INSL6: variants seen among roughly 807,000 people sequenced by gnomAD.
The protein encoded by INSL6 is insulin-like peptide INSL6.
Under a neutral mutation model 9.4 loss-of-function variants are expected in INSL6, and 16 were observed. The observed-to-expected ratio is 1.70, with a 90% confidence interval of 1.15 to 2.59. INSL6 has a LOEUF of 2.59. INSL6 is among the 30% of genes most tolerant of loss of function. The probability of loss-of-function intolerance (pLI) is 0.00; values close to 1 mark genes in which losing one functional copy is unlikely to be tolerated. For synonymous variants in INSL6, 154 were observed against 96.9 expected, an observed-to-expected ratio of 1.59 and a Z score of -3.46; for missense variants, 391 against 257.3, an observed-to-expected ratio of 1.52 and a Z score of -3.56.
chr9:5,123,244 AG>A, downstream of INSL6: 1 of 592,566 alleles, frequency 1.7e-6, no homozygotes, highest in Non-Finnish European at 3.0e-6. Flanking sequence ...CAGAGCTTTT[AG>A]GGTATCCACC....
the INSL6 span, chr9:5,112,000 C>T: frequency 5.3e-6 from 2 of 379,032 alleles, no homozygotes; most frequent in East Asian, 7.5e-5. Context: ...CTGGGAGGGA[C>T]GTCGCACTAG....
At chr9:5,050,573 T>A in the INSL6 span, 1 of 1,129,222 alleles carries the variant, frequency 8.9e-7, no homozygotes, top group South Asian at 1.6e-5. Context: ...GCCTGGCCAA[T>A]TTGTATCTTG....
chr9:5,175,232 G>A (rs570504923), intron 1 of INSL6, among the ~76,000 whole-genome samples: 14 of 152,190 alleles, frequency 9.2e-5, no homozygotes, highest in African/African-American at 2.4e-4. Flanking sequence ...GAGCCACCGC[G>A]TCTGGCCATG....
chr9:5,090,540 A>G, the INSL6 span: 1 of 1,595,534 alleles, frequency 6.3e-7, no homozygotes, highest in Non-Finnish European at 8.5e-7. Context: ...ATCACATAAA[A>G]CTTCTGCAGT....
the INSL6 span, among the ~76,000 whole-genome samples, chr9:5,057,092 G>A: frequency 6.6e-6 from 1 of 152,038 alleles, no homozygotes; most frequent in South Asian, 2.1e-4. Flanking sequence ...GGGATACATT[G>A]TATTTCTCCT....
the INSL6 span, among the ~76,000 whole-genome samples, chr9:5,046,094 A>G: frequency 1.3e-5 from 2 of 152,112 alleles, no homozygotes; most frequent in Admixed American, 1.3e-4. Flanking sequence ...AGGTGGTATC[A>G]TTGTGATTTT....
chr9:5,004,046 A>T, the INSL6 span, among the ~76,000 whole-genome samples: 5 of 152,304 alleles, frequency 3.3e-5, 1 homozygote, highest in South Asian at 1.0e-3. Flanking sequence ...TATATGGTGT[A>T]CAACATGACA....
the INSL6 span, chr9:5,068,899 C>A: frequency 1.7e-6 from 1 of 588,604 alleles, no homozygotes; most frequent in Non-Finnish European, 2.9e-6. Context: ...ACTGGCACTA[C>A]ATCGGATTCA....
chr9:5,168,770 C>T (rs928025444), intron 1 of INSL6, among the ~76,000 whole-genome samples: 2 of 150,706 alleles, frequency 1.3e-5, no homozygotes, highest in African/African-American at 5.0e-5. Context: ...AGCCCAATGA[C>T]ATATAATCAT....
chr9:5,079,091 G>A, the INSL6 span, among the ~76,000 whole-genome samples: 1 of 152,116 alleles, frequency 6.6e-6, no homozygotes, highest in Non-Finnish European at 1.5e-5. Context: ...TAAGCTAATA[G>A]TACTTAAACT....
chr9:5,045,850 G>C, the INSL6 span, among the ~76,000 whole-genome samples: 1 of 152,072 alleles, frequency 6.6e-6, no homozygotes, highest in Non-Finnish European at 1.5e-5. Flanking sequence ...CTGTGAACAT[G>C]GGTAAACAAA....
chr9:5,094,684 C>G, the INSL6 span: 1 of 152,170 alleles, frequency 6.6e-6, no homozygotes, highest in Non-Finnish European at 1.5e-5. Context: ...GAAAGAGAAT[C>G]AGAACTAGTT....
the INSL6 span, among the ~76,000 whole-genome samples, chr9:5,072,150 T>C: frequency 6.6e-6 from 1 of 152,186 alleles, no homozygotes; most frequent in East Asian, 1.9e-4. Flanking sequence ...CATTCTCTAG[T>C]GTGCTAGTAG....
intron 1 of INSL6, among the ~76,000 whole-genome samples, chr9:5,184,586 T>C (rs944716277): frequency 1.3e-5 from 2 of 152,182 alleles, no homozygotes; most frequent in South Asian, 4.1e-4. Flanking sequence ...TATAATACAG[T>C]ATGGTATATA....
chr9:5,159,466 C>G (rs894766594), downstream of INSL6, among the ~76,000 whole-genome samples: 1 of 151,764 alleles, frequency 6.6e-6, no homozygotes, highest in African/African-American at 2.4e-5. Flanking sequence ...AAAAGATTTT[C>G]CATGCCAATG....
At chr9:5,043,199 T>A in the INSL6 span, among the ~76,000 whole-genome samples, 2 of 152,188 alleles carry the variant, frequency 1.3e-5, no homozygotes, top group Non-Finnish European at 2.9e-5. Flanking sequence ...CGGGTCAGCT[T>A]GAGGCAGTGC....
chr9:5,025,872 C>A, the INSL6 span, among the ~76,000 whole-genome samples: 1 of 152,282 alleles, frequency 6.6e-6, no homozygotes, highest in Non-Finnish European at 1.5e-5. Flanking sequence ...ATTAATGAAT[C>A]TTTTTAAAGT....
intron 2 of INSL6, among the ~76,000 whole-genome samples, chr9:5,136,334 C>G (rs575489343): frequency 3.9e-4 from 59 of 152,266 alleles, no homozygotes; most frequent in African/African-American, 1.4e-3. Context: ...GAATTTTAGG[C>G]CGATATCCCT....
chr9:5,138,798 A>G lies in INSL6; in HGVS notation c.377-5206T>C, dbSNP rs1011509696. Among the ~76,000 whole-genome samples the G allele has an allele frequency of 5.3e-5, 8 of 152,194 alleles. No individual in the cohort carries two copies. The East Asian group carries it at 5.8e-4, about 11-fold the overall frequency. ...CTAAAAAAATAGTTACCTAATTACA[A>G]TCTCTAGAATTTAAAGATCTCCTTC... On this transcript the variant is annotated intron_variant, in intron 2 of 3. Transcript: ENST00000649639.
Sources: allele counts gnomAD v4.1 joint callset (sites outside exome capture counted in the v4.1 genomes callset), GRCh38; gene constraint gnomAD v4.1.1; transcripts MANE v1.5; gene names NCBI Gene and HGNC (gene_info 2026-07-23, HGNC 2026-07-21).